Variants in DAB2IP observed in about 807,000 individuals in gnomAD.
DAB2IP encodes the protein disabled homolog 2-interacting protein.
In DAB2IP, 28 loss-of-function variants were observed where a neutral mutation model predicts 107.2. The ratio of observed to expected loss-of-function variants is 0.26; its 90% CI spans 0.19 to 0.36. The LOEUF (loss-of-function observed/expected upper bound fraction) is 0.36. DAB2IP is among the 10% of genes least tolerant of loss of function. DAB2IP has a pLI of 1.00. For synonymous variants in DAB2IP, 755 were observed against 706.4 expected, an observed-to-expected ratio of 1.07 and a Z score of -1.09; for missense variants, 1,400 against 1,644.7, an observed-to-expected ratio of 0.85 and a Z score of 2.57.
intron 1 of DAB2IP, among the ~76,000 whole-genome samples, chr9:121,606,805 C>T (rs1830894560): frequency 1.3e-5 from 2 of 150,782 alleles, no homozygotes; most frequent in African/African-American, 2.4e-5. Context: ...GATGGAGTCT[C>T]GCTCTGTTGC....
In DAB2IP at chr9:121,736,631, C is replaced by T. The variant is rs1831945151; in HGVS notation, c.363-20382C>T. Among the ~76,000 whole-genome samples the T allele has an allele frequency of 6.6e-6, 1 of 152,188 alleles. No individual in the cohort carries two copies. The highest frequency in any genetic ancestry group is 1.5e-5 in the Non-Finnish European group (1 of 68,026). The stretch of plus-strand genomic sequence containing the variant: ...GGGTTTGGGGCGTGGCGCAGCCCGA[C>T]GTTAGTCCGGAATGCTCTGGGAGCA... On this transcript the variant is annotated intron_variant, in intron 3 of 15. Transcript: ENST00000408936. This position sits in a 1 kb window ranked among gnomAD's most constrained non-coding sequence, Gnocchi z 4.6.
chr9:121,633,383 AC>A lies in DAB2IP; in HGVS notation c.41-45288del, dbSNP rs781557828. On this transcript the variant is annotated intron_variant, in intron 1 of 16. Transcript: ENST00000259371. This position sits in a 1 kb window ranked among gnomAD's most constrained non-coding sequence, Gnocchi z 5.1. Reference sequence around the variant, plus strand: ...GGTTGTGTCTTTGCCCACTGACCCCACCCCCCCTACCAAACCACCTCTGCTG... The same window carrying A: ...GGTTGTGTCTTTGCCCACTGACCCCACCCCCCTACCAAACCACCTCTGCTG... Among the ~76,000 whole-genome samples, 2 of 151,486 alleles carry A rather than the reference AC, an allele frequency of 1.3e-5. No homozygotes were observed. The highest frequency in any genetic ancestry group is 2.1e-4 in the South Asian group (1 of 4,772).
chr9:121,779,454 C>T (rs1405557184), intron 14 of DAB2IP, among the ~76,000 whole-genome samples: 1 of 152,248 alleles, frequency 6.6e-6, no homozygotes, highest in East Asian at 1.9e-4. Flanking sequence ...CATTGTGAAT[C>T]TCACAGTGAG....
rs1829795028 is a variant in DAB2IP, at chr9:121,701,756, G to A, written c.362+2298G>A. Among the ~76,000 whole-genome samples the A allele has an allele frequency of 6.6e-6, 1 of 152,162 alleles. No homozygotes were observed. The highest frequency in any genetic ancestry group is 1.5e-5 in the Non-Finnish European group (1 of 68,036). ...TTCAGTGAGTAAAAACAACTATGGT[G>A]ACCCCGCCCGCCCCCCAGCTCATGG... On this transcript the variant is annotated intron_variant, in intron 3 of 15. Transcript: ENST00000408936. This position sits in a 1 kb window ranked among gnomAD's most constrained non-coding sequence, Gnocchi z 4.7.
chr9:121,587,030 C>T (rs1321191416), intron 1 of DAB2IP, among the ~76,000 whole-genome samples: 3 of 152,208 alleles, frequency 2.0e-5, no homozygotes, highest in Non-Finnish European at 4.4e-5. Flanking sequence ...GGGGTGTCAG[C>T]ATTCAAGGGT....
At chr9:121,751,209 G>A (rs1833095431) in intron 3 of DAB2IP, 1 of 185,508 alleles carries the variant, frequency 5.4e-6, no homozygotes, top group Non-Finnish European at 1.1e-5. Context: ...CCCAGCTGCT[G>A]TGGGCCACCC....
chr9:121,738,904 T>C (rs1301894210), intron 3 of DAB2IP, among the ~76,000 whole-genome samples: 1 of 152,230 alleles, frequency 6.6e-6, no homozygotes, highest in Non-Finnish European at 1.5e-5. Context: ...TACCTTGTGA[T>C]GGGAGAGGCA....
At chr9:121,646,383 C>G (rs1422097635) in intron 1 of DAB2IP, among the ~76,000 whole-genome samples, 1 of 152,102 alleles carries the variant, frequency 6.6e-6, no homozygotes, top group Non-Finnish European at 1.5e-5. Context: ...TGCTCCTGGT[C>G]CAGCCTTATT....
chr9:121,717,530 T>C (rs77519300), intron 3 of DAB2IP, among the ~76,000 whole-genome samples: 9,032 of 152,258 alleles, frequency 0.059, 881 homozygotes, highest in African/African-American at 0.2. Flanking sequence ...TATCACACGG[T>C]GTGTAATTGA....
intron 2 of DAB2IP, among the ~76,000 whole-genome samples, chr9:121,694,153 C>T (rs1291053873): frequency 6.6e-6 from 1 of 152,128 alleles, no homozygotes; most frequent in Non-Finnish European, 1.5e-5. Context: ...AGTACAGTGC[C>T]TGGGGCTGAG....
intron 1 of DAB2IP, among the ~76,000 whole-genome samples, chr9:121,600,772 T>C (rs1453716350): frequency 1.3e-5 from 2 of 152,190 alleles, no homozygotes; most frequent in African/African-American, 4.8e-5. Flanking sequence ...GCTCACTAGC[T>C]GTGTATCTGT....
In DAB2IP at chr9:121,783,153, C is replaced by G. The variant is rs975374294; in HGVS notation, c.*655C>G. On this transcript the variant is annotated 3_prime_UTR_variant, in exon 16 of 16. Coordinates refer to ENST00000408936, the Ensembl canonical transcript of DAB2IP. Reference sequence around the variant, plus strand: ...CACCCACCCCCTCTGAACCTGTCCCCAGAGCACCACCTGCTACCTTCTTCC... The same window carrying G: ...CACCCACCCCCTCTGAACCTGTCCCGAGAGCACCACCTGCTACCTTCTTCC... The G allele has an allele frequency of 6.4e-6, 7 of 1,087,518 alleles. No homozygotes were observed. The African/African-American group carries it at 6.5e-5, about 10-fold the overall frequency. The allele number at this position is 1,087,518 out of a possible 1,614,324, so 67.4% of individuals were successfully genotyped here. A position where few individuals can be genotyped will look rare whatever the true frequency, so the allele number is the denominator to read the frequency against.
intron 1 of DAB2IP, among the ~76,000 whole-genome samples, chr9:121,656,399 G>C (rs1832974204): frequency 7.9e-5 from 12 of 152,136 alleles, no homozygotes; most frequent in Admixed American, 7.9e-4. Flanking sequence ...GCCCTGAGGT[G>C]GGGGGGTTTT....
At chr9:121,764,656 G>T (rs983078376) in intron 8 of DAB2IP, among the ~76,000 whole-genome samples, 1 of 152,140 alleles carries the variant, frequency 6.6e-6, no homozygotes, top group Non-Finnish European at 1.5e-5. Context: ...TTTAACCTGT[G>T]TCCCCCTCCA....
chr9:121,567,617 T>A (rs1260030461), intron 1 of DAB2IP, among the ~76,000 whole-genome samples: 1 of 152,174 alleles, frequency 6.6e-6, no homozygotes, highest in African/African-American at 2.4e-5. Context: ...CGGATAAATA[T>A]AGATGGAAGA....
chr9:121,581,663 T>G (rs935707830), intron 1 of DAB2IP, among the ~76,000 whole-genome samples: 1 of 152,192 alleles, frequency 6.6e-6, no homozygotes, highest in Non-Finnish European at 1.5e-5. Flanking sequence ...TCCCACTGTG[T>G]GCATCCCTGC....
At chr9:121,707,455 G>GC (rs1378675957) in intron 3 of DAB2IP, among the ~76,000 whole-genome samples, 1 of 152,162 alleles carries the variant, frequency 6.6e-6, no homozygotes, top group East Asian at 1.9e-4. Context: ...TCAGTGGGCA[G>GC]CCCCCACGGG....
At chr9:121,703,567 G>T (rs1486827661) in intron 3 of DAB2IP, among the ~76,000 whole-genome samples, 4 of 152,172 alleles carry the variant, frequency 2.6e-5, no homozygotes, top group African/African-American at 7.2e-5. Flanking sequence ...TGGGCATCAT[G>T]ATAATCATGT....
At chr9:121,746,275 G>A (rs1832718367) in intron 3 of DAB2IP, among the ~76,000 whole-genome samples, 1 of 152,232 alleles carries the variant, frequency 6.6e-6, no homozygotes, top group Non-Finnish European at 1.5e-5. Flanking sequence ...TGGTTACTGA[G>A]GCTGTGTATG....
Sources: gnomAD v4.1 joint callset for allele counts (sites outside exome capture counted in the v4.1 genomes callset) on GRCh38, gnomAD v4.1.1 for gene constraint, Gnocchi (gnomAD v3.1) non-coding constraint, MANE v1.5 for transcripts, NCBI Gene and HGNC (gene_info 2026-07-23, HGNC 2026-07-21) for gene names.